Variants in PHKA2 observed in about 807,000 individuals in gnomAD.
PHKA2 encodes phosphorylase b kinase regulatory subunit alpha, liver isoform.
In PHKA2, 31 loss-of-function variants were observed where a neutral mutation model predicts 102.0. The ratio of observed to expected loss-of-function variants is 0.30; its 90% CI spans 0.23 to 0.41. The LOEUF (loss-of-function observed/expected upper bound fraction) is 0.41. PHKA2 is among the 10% of genes least tolerant of loss of function. The pLI is 1.00. For synonymous variants in PHKA2, 455 were observed against 416.2 expected (o/e 1.09, Z -1.13); for missense variants, 858 against 1,023.1 (o/e 0.84, Z 2.20).
intron 1 of PHKA2, among the ~76,000 whole-genome samples, chrX:18,975,467 C>T (rs1237034612): frequency 1.8e-5 from 2 of 111,630 alleles, no homozygotes; most frequent in Admixed American, 9.6e-5. Flanking sequence ...TTGTAAACTG[C>T]CCAGTCTCTG....
In PHKA2 at chrX:18,964,821, C is replaced by A. The variant is rs185086457; in HGVS notation, c.79-10409G>T. Among the ~76,000 whole-genome samples, 350 of 112,633 alleles carry A rather than the reference C, an allele frequency of 3.1e-3. 1 individual carries two copies. Among genetic ancestry groups the A allele is most frequent in the African/African-American group, 0.01 (326 of 31,057 alleles). On this transcript the variant is annotated intron_variant, in intron 1 of 32. Coordinates refer to ENST00000379942, the MANE Select transcript of PHKA2 (RefSeq NM_000292.3). ...GATTTTGTACAATTTGGTAGGTAAA[C>A]CTCAGGTGGCTTGGAGAATAATCTT... is the stretch of plus-strand genomic sequence containing the variant.
chrX:18,901,007 ATTTTT>A (rs747588302), intron 27 of PHKA2, among the ~76,000 whole-genome samples: 1 of 90,930 alleles, frequency 1.1e-5, no homozygotes, highest in Non-Finnish European at 2.2e-5. Context: ...GTTCAAAAGG[ATTTTT>A]TTTTTTTTTT....
Position 18,920,127 on chromosome X carries a change from C to T in PHKA2, c.1868G>A (p.Cys623Tyr). ...GGCATTGTCAAACAACTTCTCATCA[C>T]AGTCTGGATCCAGAAAAGTCAGATA... is the stretch of plus-strand genomic sequence containing the variant. ...YTYLTFLDPD[C>Y]DEKLFDNASE... Residue 623 changes from cysteine (C) to tyrosine (Y), a missense_variant, in exon 18 of 33, where the codon TGT becomes TAT. Physicochemically the swap from Cys to Tyr is radical, Grantham distance 194. Transcript: ENST00000379942. 1 of 1,139,658 alleles carries T rather than the reference C, an allele frequency of 8.8e-7. No homozygotes were observed. The highest frequency in any genetic ancestry group is 1.2e-6 in the Non-Finnish European group (1 of 829,500). 93.9% of individuals were successfully genotyped at this position (1,139,658 alleles called of 1,213,427 possible).
chrX:18,905,539 C>A (rs1390794454), intron 26 of PHKA2, among the ~76,000 whole-genome samples: 2 of 111,246 alleles, frequency 1.8e-5, no homozygotes, highest in Admixed American at 9.5e-5. Flanking sequence ...ACCACACCCA[C>A]ATGCTGTGCC....
intron 12 of PHKA2, among the ~76,000 whole-genome samples, chrX:18,930,352 T>G (rs1409381986): frequency 2.7e-5 from 3 of 110,922 alleles, no homozygotes; most frequent in Non-Finnish European, 5.7e-5. Context: ...TTGCAAAGTA[T>G]TCTCTTTGAA....
At chrX:18,923,581 A>T (rs1032945721) in intron 17 of PHKA2, among the ~76,000 whole-genome samples, 1 of 111,977 alleles carries the variant, frequency 8.9e-6, no homozygotes, top group Non-Finnish European at 1.9e-5. Flanking sequence ...GGGGCCAGTG[A>T]CCTACACAGA....
intron 1 of PHKA2, among the ~76,000 whole-genome samples, chrX:18,963,418 C>G (rs1186625726): frequency 8.9e-6 from 1 of 112,204 alleles, no homozygotes; most frequent in Non-Finnish European, 1.9e-5. Flanking sequence ...TCTGTCACTA[C>G]CTGGGACAAC....
At chrX:18,973,466 C>G (rs2049044404) in intron 1 of PHKA2, among the ~76,000 whole-genome samples, 1 of 111,514 alleles carries the variant, frequency 9.0e-6, no homozygotes, top group African/African-American at 3.3e-5. Flanking sequence ...TAAACCACAC[C>G]TGATCATGAT....
At chrX:18,912,248 G>T (rs1209229082) in intron 19 of PHKA2, among the ~76,000 whole-genome samples, 1 of 111,805 alleles carries the variant, frequency 8.9e-6, no homozygotes, top group East Asian at 2.8e-4. Flanking sequence ...TTAATGACAG[G>T]GATACATTCT....
chrX:18,982,927 T>C (rs1316858075), intron 1 of PHKA2, among the ~76,000 whole-genome samples: 2 of 112,536 alleles, frequency 1.8e-5, no homozygotes, highest in African/African-American at 6.5e-5. Flanking sequence ...CATTTATTCT[T>C]GTAACCCCAG....
intron 20 of PHKA2, among the ~76,000 whole-genome samples, chrX:18,909,818 G>A (rs773793571): frequency 8.9e-6 from 1 of 112,354 alleles, no homozygotes; most frequent in Non-Finnish European, 1.9e-5. Context: ...GCTTCTAGAC[G>A]GAGCCGAAAA....
At chrX:18,940,526 G>A (rs1046430192) in intron 8 of PHKA2, among the ~76,000 whole-genome samples, 6 of 111,928 alleles carry the variant, frequency 5.4e-5, no homozygotes, top group Admixed American at 3.8e-4. Context: ...AAAGGGAGGG[G>A]GCAGCTTCCT....
chrX:18,931,648 A>G lies in PHKA2; in HGVS notation c.1238T>C (p.Leu413Ser), dbSNP rs377163221. ...GQSLYILSSL[L>S]AEGFLAAGEI... ...AGGCCACTAAGCCCCTACCTCTGCC[A>G]ACAGCGAGCTGAGGATGTACAAGGA... The change falls in exon 12 of 33, where the codon TTG becomes TCG. Residue 413 changes from leucine to serine, a missense_variant. Transcript: ENST00000379942. 4.9e-5 allele frequency: 58 copies of G among 1,192,009 alleles called. No homozygotes were observed. Among genetic ancestry groups the G allele is most frequent in the Non-Finnish European group, 5.9e-5 (52 of 878,819 alleles).
chrX:18,907,554 A>G (rs745694431), intron 22 of PHKA2, among the ~76,000 whole-genome samples: 2 of 111,832 alleles, frequency 1.8e-5, no homozygotes, highest in Non-Finnish European at 3.8e-5. Context: ...GCAGCTCTGG[A>G]TTTTGCCTGG....
At chrX:18,966,699 T>C (rs2048950028) in intron 1 of PHKA2, among the ~76,000 whole-genome samples, 1 of 111,862 alleles carries the variant, frequency 8.9e-6, no homozygotes, top group Admixed American at 9.5e-5. Context: ...ATGTTATCTA[T>C]GGAGTGATCC....
intron 1 of PHKA2, among the ~76,000 whole-genome samples, chrX:18,968,538 T>C (rs1343495643): frequency 1.8e-5 from 2 of 111,280 alleles, no homozygotes. Flanking sequence ...TCTGAAATCA[T>C]AACAATGAGC....
In PHKA2 at chrX:18,929,217, C is replaced by T. The variant is rs780650294; in HGVS notation, c.1324+11G>A. 7 of 1,095,626 alleles carry T rather than the reference C, an allele frequency of 6.4e-6. No homozygotes were observed. The highest frequency in any genetic ancestry group is 2.0e-5 in the South Asian group (1 of 51,199). 90.3% of individuals were successfully genotyped at this position (1,095,626 alleles called of 1,213,427 possible). A position where few individuals can be genotyped will look rare whatever the true frequency, so the allele number is the denominator to read the frequency against. On this transcript the variant is annotated intron_variant, in intron 13 of 32. Coordinates refer to ENST00000379942, the MANE Select transcript of PHKA2 (RefSeq NM_000292.3). ...CAAAGTTAAATATGAACAGTAAACA[C>T]GCTCACAAACCTTGTACTACAACAT...
At position 18,918,695 on chromosome X, in the gene PHKA2, C is replaced by T; in HGVS notation, c.2123G>A (p.Gly708Asp). Reference sequence around the variant, plus strand: ...TAATAACATACATGGAACTTCCAAACCCTTTGCTTTTGCCATCACAGAAAG... The same window carrying T: ...TAATAACATACATGGAACTTCCAAATCCTTTGCTTTTGCCATCACAGAAAG... ...DILSVMAKAK[G>D]LEVPFVPMTL... The change falls in exon 19 of 33, where the codon GGT becomes GAT. Residue 708 changes from glycine (G) to aspartate (D), a missense_variant. Transcript: ENST00000379942. 1 of 1,210,140 alleles carries T rather than the reference C, an allele frequency of 8.3e-7. No homozygotes were observed. The highest frequency in any genetic ancestry group is 1.1e-6 in the Non-Finnish European group (1 of 893,894).
At position 18,924,501 on chromosome X, in the gene PHKA2, G is replaced by A. The variant is rs1021379076; in HGVS notation, c.1594C>T (p.Leu532=). Residue 532 remains leucine, a synonymous_variant, in exon 16 of 33, where the codon CTG becomes TTG. Coordinates refer to ENST00000379942, the MANE Select transcript of PHKA2 (RefSeq NM_000292.3). ...ACGATCATCTCATTGTCGAGGGCCA[G>A]GTAGAAGTGATGCTGGTCGGTGAAC... ...PQFTDQHHFY[L]ALDNEMIVEM... 4 of 1,211,210 alleles carry A rather than the reference G, an allele frequency of 3.3e-6. No homozygotes were observed. Among genetic ancestry groups the A allele is most frequent in the African/African-American group, 3.5e-5 (2 of 57,798 alleles).
Sources: gnomAD v4.1 joint callset for allele counts (sites outside exome capture counted in the v4.1 genomes callset) on GRCh38, gnomAD v4.1.1 for gene constraint, MANE v1.5 for transcripts, NCBI Gene and HGNC (gene_info 2026-07-23, HGNC 2026-07-21) for gene names.